LRFN2: variants seen among roughly 807,000 people sequenced by gnomAD.
The protein encoded by LRFN2 is leucine-rich repeat and fibronectin type-III domain-containing protein 2.
In LRFN2, 18 loss-of-function variants were observed where a neutral mutation model predicts 37.3. The ratio of observed to expected loss-of-function variants is 0.48; its 90% CI spans 0.33 to 0.72. The LOEUF (loss-of-function observed/expected upper bound fraction) is 0.72, where lower values mean the gene tolerates loss of function less well. Ranked by LOEUF, LRFN2 falls within the 30% of genes least tolerant of loss-of-function variation. The pLI is 0.02. For missense variants in LRFN2, 1,006 were observed against 1,060.7 expected (o/e 0.95, Z 0.72); for synonymous variants, 556 against 466.6 (o/e 1.19, Z -2.47).
chr6:40,405,890 G>A (rs1054561120), intron 2 of LRFN2, among the ~76,000 whole-genome samples: 6 of 152,222 alleles, frequency 3.9e-5, no homozygotes, highest in African/African-American at 1.4e-4. Context: ...CTGGTGACAG[G>A]TGAGGATCAC....
At chr6:40,543,409 T>A (rs879609036) in intron 1 of LRFN2, among the ~76,000 whole-genome samples, 3 of 152,214 alleles carry the variant, frequency 2.0e-5, no homozygotes, top group Non-Finnish European at 4.4e-5. Context: ...TACATTCAAT[T>A]CCTGGTCTGT....
At chr6:40,399,151 C>T (rs971520262) in intron 2 of LRFN2, among the ~76,000 whole-genome samples, 2 of 151,786 alleles carry the variant, frequency 1.3e-5, no homozygotes, top group African/African-American at 2.4e-5. Context: ...CAGTGAATCT[C>T]CTCTGTGATT....
chr6:40,506,596 C>T (rs1315503218), intron 1 of LRFN2, among the ~76,000 whole-genome samples: 1 of 152,094 alleles, frequency 6.6e-6, no homozygotes, highest in Non-Finnish European at 1.5e-5. Context: ...TGCTAGCATG[C>T]TGGCGGGTTC....
chr6:40,414,397 C>T (rs1763049806), intron 2 of LRFN2, among the ~76,000 whole-genome samples: 1 of 152,100 alleles, frequency 6.6e-6, no homozygotes, highest in Non-Finnish European at 1.5e-5. Context: ...TCCTCCCCGC[C>T]GTAAAATCAA....
intron 1 of LRFN2, among the ~76,000 whole-genome samples, chr6:40,458,884 C>T (rs1194359355): frequency 6.6e-6 from 1 of 152,190 alleles, no homozygotes; most frequent in Non-Finnish European, 1.5e-5. Flanking sequence ...CTGTCCAGCA[C>T]AACTGACCCC....
intron 1 of LRFN2, among the ~76,000 whole-genome samples, chr6:40,506,365 T>A (rs984502176): frequency 1.3e-5 from 2 of 152,192 alleles, no homozygotes; most frequent in Non-Finnish European, 2.9e-5. Flanking sequence ...CTGACCAGAA[T>A]GAATCTGCTG....
intron 1 of LRFN2, among the ~76,000 whole-genome samples, chr6:40,448,843 C>T (rs1318950576): frequency 6.6e-6 from 1 of 152,168 alleles, no homozygotes; most frequent in Non-Finnish European, 1.5e-5. Context: ...ATGGAGGAGG[C>T]TGGCTGGAGG....
intron 1 of LRFN2, among the ~76,000 whole-genome samples, chr6:40,542,254 G>C (rs1444476816): frequency 6.6e-6 from 1 of 152,148 alleles, no homozygotes; most frequent in Non-Finnish European, 1.5e-5. Flanking sequence ...TGGGCCCCTG[G>C]GTGAATTGCC....
chr6:40,536,339 C>T (rs554442729), intron 1 of LRFN2, among the ~76,000 whole-genome samples: 1 of 152,316 alleles, frequency 6.6e-6, no homozygotes, highest in East Asian at 1.9e-4. Flanking sequence ...GAAATAATCC[C>T]TACTTTCTAG....
chr6:40,412,615 C>T (rs775847803), intron 2 of LRFN2, among the ~76,000 whole-genome samples: 90 of 152,200 alleles, frequency 5.9e-4, no homozygotes, highest in Non-Finnish European at 8.2e-4. Flanking sequence ...TCCCTGACAC[C>T]GTGAGGCATT....
chr6:40,494,264 A>G (rs1254807437), intron 1 of LRFN2, among the ~76,000 whole-genome samples: 1 of 152,146 alleles, frequency 6.6e-6, no homozygotes, highest in African/African-American at 2.4e-5. Flanking sequence ...GGGGCATTGG[A>G]CCAGATCAGC....
intron 1 of LRFN2, among the ~76,000 whole-genome samples, chr6:40,565,758 G>T (rs1275686946): frequency 5.3e-5 from 8 of 151,674 alleles, no homozygotes; most frequent in African/African-American, 1.7e-4. Flanking sequence ...AGACTTACAT[G>T]TTAGACCTAA....
At chr6:40,430,989 G>A (rs994373537) in intron 2 of LRFN2, among the ~76,000 whole-genome samples, 8 of 152,086 alleles carry the variant, frequency 5.3e-5, no homozygotes, top group Non-Finnish European at 7.4e-5. Flanking sequence ...ACTTAGGGAA[G>A]GTAAGAAACT....
intron 1 of LRFN2, among the ~76,000 whole-genome samples, chr6:40,533,843 C>T (rs1255917158): frequency 6.6e-6 from 1 of 152,176 alleles, no homozygotes; most frequent in Non-Finnish European, 1.5e-5. Context: ...CTACCTGTGG[C>T]CACACTGCAA....
intron 1 of LRFN2, among the ~76,000 whole-genome samples, chr6:40,435,374 G>A (rs1763642099): frequency 6.6e-6 from 1 of 151,716 alleles, no homozygotes; most frequent in Admixed American, 6.6e-5. Context: ...TGCCCAGGCT[G>A]GTCTCGAACT....
At chr6:40,490,112 C>T (rs1477991146) in intron 1 of LRFN2, among the ~76,000 whole-genome samples, 1 of 152,214 alleles carries the variant, frequency 6.6e-6, no homozygotes, top group Non-Finnish European at 1.5e-5. Flanking sequence ...GCAGCAAGCC[C>T]AGGAGAGAAG....
intron 1 of LRFN2, among the ~76,000 whole-genome samples, chr6:40,437,822 C>A (rs1438506030): frequency 2.0e-5 from 3 of 152,146 alleles, no homozygotes; most frequent in Non-Finnish European, 4.4e-5. Context: ...GGCCTAGTTC[C>A]CTCTAAGTAT....
At chr6:40,457,266 A>C (rs1764252888) in intron 1 of LRFN2, among the ~76,000 whole-genome samples, 1 of 152,124 alleles carries the variant, frequency 6.6e-6, no homozygotes, top group African/African-American at 2.4e-5. Context: ...GGGATCTTAA[A>C]TATGTGGATT....
rs577212618 is a variant in LRFN2 at position 40,538,143 on chromosome 6, T to C, written c.-19+48798A>G. ...TGAGAAAGGGTAAAGGGAGAAACAA[T>C]TATTTGTTTCATTAGGAGTTAAATC... is the stretch of plus-strand genomic sequence containing the variant. On this transcript the variant is annotated intron_variant, in intron 1 of 2. Transcript: ENST00000338305. Among the ~76,000 whole-genome samples, 76 of 152,290 alleles carry C rather than the reference T, an allele frequency of 5.0e-4. 6 individuals carry two copies. Among genetic ancestry groups the C allele is most frequent in the African/African-American group, 2.4e-5 (1 of 41,566 alleles).
Sources: gnomAD v4.1 joint callset for allele counts (sites outside exome capture counted in the v4.1 genomes callset) on GRCh38, gnomAD v4.1.1 for gene constraint, MANE v1.5 for transcripts, NCBI Gene and HGNC (gene_info 2026-07-23, HGNC 2026-07-21) for gene names.